The following INPP1 variants were observed in gnomAD, a reference collection of about 807,000 sequenced individuals.
The protein encoded by INPP1 is inositol polyphosphate 1-phosphatase.
INPP1 carries 18 observed loss-of-function variants against 23.0 expected under a neutral mutation model. That is an observed-to-expected ratio of 0.78 (90% CI 0.54 to 1.16). INPP1 has a LOEUF of 1.16. Ranked by LOEUF, INPP1 falls within the 50% of genes most tolerant of loss-of-function variation. The pLI is 0.00. For missense variants in INPP1, 448 were observed against 482.1 expected (o/e 0.93, Z 0.66); for synonymous variants, 164 against 176.3 (o/e 0.93, Z 0.55).
rs1315676259 is a variant in INPP1 at position 190,362,630 on chromosome 2, C to A, written c.208C>A (p.Pro70Thr). Residue 70 changes from proline (P) to threonine (T), a missense_variant, in exon 4 of 7, where the codon CCA becomes ACA. Pro to Thr is a conservative substitution (Grantham distance 38). Coordinates refer to ENST00000392329, the MANE Select transcript of INPP1 (RefSeq NM_001128928.2). ...CGTCATACTCTGAATCATTCAGTTT[C>A]CAGGCTTGGAAAAAAATATTTTTGG... ...VIKQNMENKF[P>T]GLEKNIFGEE... 1 of 1,605,288 alleles carries A rather than the reference C, an allele frequency of 6.2e-7. No individual in the cohort carries two copies. The highest frequency in any genetic ancestry group is 8.5e-7 in the Non-Finnish European group (1 of 1,174,086).
intron 2 of INPP1, among the ~76,000 whole-genome samples, chr2:190,358,139 G>A (rs1689455485): frequency 6.8e-6 from 1 of 146,714 alleles, no homozygotes; most frequent in Non-Finnish European, 1.5e-5. Flanking sequence ...GAGTGCAGTG[G>A]CGTAATCTCG....
Position 190,370,843 on chromosome 2 carries a change from G to T in INPP1, c.642-1G>T. 1 of 1,570,282 alleles carries T rather than the reference G, an allele frequency of 6.4e-7. No individual in the cohort carries two copies. The highest frequency in any genetic ancestry group is 8.6e-7 in the Non-Finnish European group (1 of 1,157,130). On this transcript the variant is annotated splice_acceptor_variant, in intron 6 of 6. Coordinates refer to ENST00000392329, the MANE Select transcript of INPP1 (RefSeq NM_001128928.2). LOFTEE classifies it high-confidence loss of function. ...CACCAATTGAAATTTTTCTTCTACAGGTGGAAAGGACAGTGCTATTGGGGC... is the reference window on the plus strand; with the variant it reads ...CACCAATTGAAATTTTTCTTCTACATGTGGAAAGGACAGTGCTATTGGGGC...
In INPP1 at chr2:190,371,382, C is replaced by T. The variant is rs891240691; in HGVS notation, c.1180C>T (p.Pro394Ser). 1 of 1,526,988 alleles carries T rather than the reference C, an allele frequency of 6.5e-7. No homozygotes were observed. Among genetic ancestry groups the T allele is most frequent in the South Asian group, 1.3e-5 (1 of 76,130 alleles). The allele number at this position is 1,526,988 out of a possible 1,614,324, so 94.6% of individuals were successfully genotyped here. A position where few individuals can be genotyped will look rare whatever the true frequency, so the allele number is the denominator to read the frequency against. ...GAGCCTCCTGGTCCAAAACCTGGCA[C>T]CTGCAGAGACGCATACCTAGAGGAA... ...FLSLLVQNLA[P>S]AETHT Residue 394 changes from proline to serine, a missense_variant, in exon 7 of 7, where the codon CCT becomes TCT. Coordinates refer to ENST00000392329, the MANE Select transcript of INPP1 (RefSeq NM_001128928.2). This position sits in a 1 kb window ranked among gnomAD's most constrained non-coding sequence, Gnocchi z 5.3.
In INPP1 at chr2:190,366,868, A is replaced by G. The variant is rs1055984350; in HGVS notation, c.439A>G (p.Ile147Val). ...CACAGAGATCAATGTTCCACAGGAC[A>G]TTTTGGGAATTTGGGTGGACCCCAT... The part of the protein sequence containing the change: ...DSTEINVPQD[I>V]LGIWVDPIDS... The change falls in exon 5 of 7, where the codon ATT (isoleucine) becomes GTT (valine). Residue 147 changes from isoleucine (I) to valine (V), a missense_variant. Ile to Val is a conservative substitution (Grantham distance 29). Transcript: ENST00000392329. The G allele has an allele frequency of 1.5e-5, 24 of 1,613,516 alleles. No homozygotes were observed. The African/African-American group carries it at 2.5e-4, about 17-fold the overall frequency.
rs1192166561 is a variant in INPP1 at position 190,363,643 on chromosome 2, T to G, written c.265+956T>G. 6.6e-6 allele frequency among the ~76,000 whole-genome samples: 1 copy of G among 152,174 alleles called. No individual in the cohort carries two copies. Among genetic ancestry groups the G allele is most frequent in the Non-Finnish European group, 1.5e-5 (1 of 68,026 alleles). On this transcript the variant is annotated intron_variant, in intron 4 of 6. Coordinates refer to ENST00000392329, the MANE Select transcript of INPP1 (RefSeq NM_001128928.2). The surrounding 1 kb of genome is among the most constrained non-coding windows in gnomAD (Gnocchi z 4.4). ...TAGATTAACTCTGAAAATTTTTTAG[T>G]CTCCTTCATGCACCACATATTAAGA...
chr2:190,370,393 C>T (rs1047421963), intron 6 of INPP1, among the ~76,000 whole-genome samples: 11 of 152,070 alleles, frequency 7.2e-5, no homozygotes, highest in African/African-American at 2.7e-4. Context: ...TGGAAGCCAA[C>T]GTGAAACTAG....
At chr2:190,362,348 G>GTT (rs1411010295) in intron 3 of INPP1, among the ~76,000 whole-genome samples, 3 of 152,136 alleles carry the variant, frequency 2.0e-5, no homozygotes, top group African/African-American at 7.2e-5. Flanking sequence ...GAAGTTTCTA[G>GTT]AAGTACTTTT....
At chr2:190,359,963 G>T (rs946561477) in intron 2 of INPP1, 76 bp from the exon 3 acceptor site, 13 of 740,744 alleles carry the variant, frequency 1.8e-5, no homozygotes, top group Non-Finnish European at 2.7e-5. Flanking sequence ...TGCCAAATGG[G>T]TTGTTAGTAG....
chr2:190,348,122 A>G (rs1345280251), intron 1 of INPP1, among the ~76,000 whole-genome samples: 4 of 152,256 alleles, frequency 2.6e-5, no homozygotes, highest in African/African-American at 9.6e-5. Context: ...TGGGCAACAG[A>G]GCGAGACTCT....
intron 1 of INPP1, among the ~76,000 whole-genome samples, chr2:190,344,424 C>T (rs1323574966): frequency 1.3e-5 from 2 of 152,244 alleles, no homozygotes; most frequent in African/African-American, 2.4e-5. Flanking sequence ...TCAGCCTTGG[C>T]TTTGAGAGAT....
chr2:190,358,165 C>T (rs765999164), intron 2 of INPP1, among the ~76,000 whole-genome samples: 10 of 151,210 alleles, frequency 6.6e-5, no homozygotes, highest in East Asian at 3.9e-4. Context: ...CTGCAACCTC[C>T]GCCTCCCAGG....
chr2:190,362,781 A>G, intron 4 of INPP1, 94 bp downstream of exon 4: 2 of 729,570 alleles, frequency 2.7e-6, no homozygotes, highest in South Asian at 2.3e-5. Flanking sequence ...TTTGGAAGCC[A>G]CTTACTGTAA....
rs750838250 is a variant in INPP1, at chr2:190,345,606, C to T, written c.-209+1645C>T. On this transcript the variant is annotated intron_variant, in intron 1 of 6. Transcript: ENST00000392329. The surrounding 1 kb of genome is among the most constrained non-coding windows in gnomAD (Gnocchi z 4.9). ...GATGGTGTATATAAGCACTTTTTCC[C>T]GATGTGAGTCCTTATGAATGTTCTT... 2.6e-5 allele frequency: 4 copies of T among 152,118 alleles called. No individual in the cohort carries two copies. Among genetic ancestry groups the T allele is most frequent in the Non-Finnish European group, 2.9e-5 (2 of 68,020 alleles). The allele number at this position is 152,118 out of a possible 1,614,324, so 9.4% of individuals were successfully genotyped here.
chr2:190,352,801 T>C lies in INPP1; in HGVS notation c.-65+3770T>C, dbSNP rs369114025. 3.9e-5 allele frequency among the ~76,000 whole-genome samples: 6 copies of C among 152,302 alleles called. No individual in the cohort carries two copies. The East Asian group carries it at 9.6e-4, about 24-fold the overall frequency. On this transcript the variant is annotated intron_variant, in intron 2 of 6. Coordinates refer to ENST00000392329, the MANE Select transcript of INPP1 (RefSeq NM_001128928.2). The surrounding 1 kb of genome is among the most constrained non-coding windows in gnomAD (Gnocchi z 4.7). ...AGACTCCTGGACAGCTGTACCCCCT[T>C]GGAAAAGGTCATGAGAAACACCTTC...
At chr2:190,360,394 C>A in intron 3 of INPP1, 88 bp downstream of exon 3, 1 of 1,091,282 alleles carries the variant, frequency 9.2e-7, no homozygotes, top group Non-Finnish European at 1.3e-6. Flanking sequence ...TGCTCCTCAC[C>A]CCTATCAGTA....
chr2:190,349,216 T>A (rs977611698), intron 2 of INPP1, among the ~76,000 whole-genome samples, 185 bp downstream of exon 2: 1 of 152,218 alleles, frequency 6.6e-6, no homozygotes, highest in African/African-American at 2.4e-5. Flanking sequence ...GGTGGGCAGA[T>A]CACCTGAGAT....
intron 4 of INPP1, 86 bp from the exon 5 acceptor site, chr2:190,366,609 C>G: frequency 1.1e-6 from 1 of 947,684 alleles, no homozygotes; most frequent in South Asian, 1.4e-5. Context: ...CTCTCTCTGT[C>G]TCTCTCACTC....
intron 3 of INPP1, 141 bp from the exon 4 acceptor site, chr2:190,362,486 G>T: frequency 2.0e-6 from 1 of 511,538 alleles, no homozygotes. Context: ...TTTATACTTG[G>T]ATTGGTTTCT....
At chr2:190,359,836 AT>A (rs1431081609) in intron 2 of INPP1, 9 of 356,192 alleles carry the variant, frequency 2.5e-5, no homozygotes, top group Middle Eastern at 8.1e-4. Flanking sequence ...GAGAGTGTAA[AT>A]TTTTTTTCAA....
Sources: allele counts gnomAD v4.1 joint callset (sites outside exome capture counted in the v4.1 genomes callset), GRCh38; gene constraint gnomAD v4.1.1; non-coding constraint Gnocchi (gnomAD v3.1); transcripts MANE v1.5; gene names NCBI Gene and HGNC (gene_info 2026-07-23, HGNC 2026-07-21).